ANXA5: variants seen among roughly 807,000 people sequenced by gnomAD.
The protein encoded by ANXA5 is CBP-I.
A neutral mutation model predicts 48.1 loss-of-function variants in ANXA5; 40 were observed. That is an observed-to-expected ratio of 0.83 (90% CI 0.65 to 1.08). ANXA5 has a LOEUF of 1.08. Among genes scored for constraint, ANXA5 ranks in the 50% least tolerant of loss-of-function variants. The probability of loss-of-function intolerance (pLI) is 0.00; values close to 1 mark genes in which losing one functional copy is unlikely to be tolerated. For synonymous variants in ANXA5, 113 were observed against 129.1 expected, an observed-to-expected ratio of 0.88 and a Z score of 0.85; for missense variants, 357 against 376.8, an observed-to-expected ratio of 0.95 and a Z score of 0.44.
intron 1 of ANXA5, 27 bp from the exon 2 acceptor site, chr4:121,696,651 T>C (rs911246286): frequency 9.8e-6 from 13 of 1,324,144 alleles, no homozygotes; most frequent in Non-Finnish European, 2.0e-6. Context: ...ACCTCGGGCT[T>C]AGCGCGCCAT....
rs1724913877 is a variant in ANXA5 at position 121,687,525 on chromosome 4, CAT to C, written c.10-1155_10-1154del. 1.3e-5 allele frequency among the ~76,000 whole-genome samples: 2 copies of C among 152,138 alleles called. 1 individual carries two copies. The highest frequency in any genetic ancestry group is 4.1e-4 in the South Asian group (2 of 4,824). On this transcript the variant is annotated intron_variant, in intron 2 of 12. Transcript: ENST00000296511. Reference sequence around the variant, plus strand: ...AAAGCTAGCCTCGTTTACAATCTTACATGTCTTATTATAAATGCACAAAAGCA... The same window carrying C: ...AAAGCTAGCCTCGTTTACAATCTTACGTCTTATTATAAATGCACAAAAGCA...
rs771767958 is a variant in ANXA5 at position 121,684,720 on chromosome 4, T to C, written c.146A>G (p.Gln49Arg). Residue 49 changes from glutamine (Q) to arginine (R), a missense_variant, in exon 4 of 13, where the codon CAG (glutamine) becomes CGG (arginine). Transcript: ENST00000296511. ...AAAAGCTGCAGAGATTTCCTGGCGC[T>C]GAGCATTACTTCGGGATGTCAACAG... ...LTLLTSRSNA[Q>R]RQEISAAFKT... The C allele has an allele frequency of 1.9e-6, 3 of 1,614,036 alleles. No individual in the cohort carries two copies. Among genetic ancestry groups the C allele is most frequent in the Non-Finnish European group, 2.5e-6 (3 of 1,179,922 alleles).
chr4:121,672,704 T>C, intron 8 of ANXA5, 78 bp from the exon 9 acceptor site: 1 of 1,004,948 alleles, frequency 1.0e-6, no homozygotes, highest in Non-Finnish European at 1.6e-6. Context: ...TGTTTTTTAC[T>C]CCCTGAATTT....
At chr4:121,690,569 C>T (rs1307733319) in intron 2 of ANXA5, among the ~76,000 whole-genome samples, 2 of 150,712 alleles carry the variant, frequency 1.3e-5, no homozygotes. Flanking sequence ...TTTAAAAACA[C>T]AGTTAAGAGA....
chr4:121,668,104 T>A lies in ANXA5; in HGVS notation c.*364A>T, dbSNP rs115205474. 424 of 167,766 alleles carry A rather than the reference T, an allele frequency of 2.5e-3. 5 individuals are homozygous for A. The highest frequency in any genetic ancestry group is 9.6e-3 in the African/African-American group (404 of 42,078). The allele number at this position is 167,766 out of a possible 1,614,324, so 10.4% of individuals were successfully genotyped here. On this transcript the variant is annotated 3_prime_UTR_variant, in exon 13 of 13. Coordinates refer to ENST00000296511, the MANE Select transcript of ANXA5 (RefSeq NM_001154.4). ...CTTCACTAATAACATTTCCAAGAGT[T>A]CACAATTTCAAGGCTAAGCTTCTGA...
chr4:121,694,086 C>CG (rs1443041676), intron 2 of ANXA5, among the ~76,000 whole-genome samples: 3 of 101,572 alleles, frequency 3.0e-5, no homozygotes, highest in Non-Finnish European at 5.8e-5. Context: ...ACACCCACAC[C>CG]GGGGCCTATT....
At chr4:121,695,296 G>A (rs775588908) in intron 2 of ANXA5, among the ~76,000 whole-genome samples, 14 of 152,186 alleles carry the variant, frequency 9.2e-5, no homozygotes, top group Non-Finnish European at 2.1e-4. Flanking sequence ...GTAAGAATGG[G>A]ATCACTGTGT....
intron 3 of ANXA5, among the ~76,000 whole-genome samples, chr4:121,685,951 A>T (rs538867093): frequency 3.9e-5 from 6 of 152,094 alleles, no homozygotes; most frequent in Non-Finnish European, 7.4e-5. Flanking sequence ...CCTGCAAGCC[A>T]CATGTGGCCC....
At chr4:121,686,433 A>T in intron 2 of ANXA5, 61 bp from the exon 3 acceptor site, 1 of 1,258,150 alleles carries the variant, frequency 7.9e-7, no homozygotes. Flanking sequence ...AGTAAATAAC[A>T]CAAACAGGAA....
rs1724556913 is a variant in ANXA5 at position 121,668,451 on chromosome 4, C to T, written c.*17G>A. ...GGTGGTGCAGGCACACAGCAGGGAGCTCTTCCCCGTGACACGTTAGTCATC... is the reference window on the plus strand; with the variant it reads ...GGTGGTGCAGGCACACAGCAGGGAGTTCTTCCCCGTGACACGTTAGTCATC... On this transcript the variant is annotated 3_prime_UTR_variant, in exon 13 of 13. Coordinates refer to ENST00000296511, the MANE Select transcript of ANXA5 (RefSeq NM_001154.4). 6.2e-7 allele frequency: 1 copy of T among 1,612,856 alleles called. No individual in the cohort carries two copies. The highest frequency in any genetic ancestry group is 8.5e-7 in the Non-Finnish European group (1 of 1,179,208).
intron 12 of ANXA5, 116 bp downstream of exon 12, chr4:121,669,486 G>A: frequency 2.4e-6 from 3 of 1,261,898 alleles, no homozygotes; most frequent in South Asian, 2.8e-5. Context: ...TGCTCTAATC[G>A]TGTCACTAAA....
rs577704686 is a variant in ANXA5 at position 121,684,392 on chromosome 4, G to A, written c.189+285C>T. Among the ~76,000 whole-genome samples, 60 of 152,280 alleles carry A rather than the reference G, an allele frequency of 3.9e-4. 1 individual carries two copies. Among genetic ancestry groups the A allele is most frequent in the African/African-American group, 1.3e-3 (56 of 41,564 alleles). ...TGGATAGTAAGACATCCATGTGAATGCTGAGTGGGAAACACAGAGGAAAAG... is the reference window on the plus strand; with the variant it reads ...TGGATAGTAAGACATCCATGTGAATACTGAGTGGGAAACACAGAGGAAAAG... On this transcript the variant is annotated intron_variant, in intron 4 of 12. Transcript: ENST00000296511.
intron 5 of ANXA5, among the ~76,000 whole-genome samples, chr4:121,682,083 A>G (rs1487814455): frequency 6.6e-6 from 1 of 152,180 alleles, no homozygotes; most frequent in East Asian, 1.9e-4. Flanking sequence ...TAAAAGTAAA[A>G]CATTTTCATG....
chr4:121,668,493 A>C lies in ANXA5; in HGVS notation c.938T>G (p.Leu313Arg), dbSNP rs1249727675. 1 of 1,613,546 alleles carries C rather than the reference A, an allele frequency of 6.2e-7. No individual in the cohort carries two copies. Among genetic ancestry groups the C allele is most frequent in the Non-Finnish European group, 8.5e-7 (1 of 1,179,592 alleles). Residue 313 changes from leucine (L) to arginine (R), a missense_variant, in exon 13 of 13, where the codon CTG becomes CGG. Leu to Arg is a moderately radical substitution (Grantham distance 102). Transcript: ENST00000296511. ...DTSGDYKKAL[L>R]LLCGEDD Reference sequence around the variant, plus strand: ...TTAGTCATCTTCTCCACAGAGCAGCAGAAGAGCTTTCTTATAGTCCCCAGA... The same window carrying C: ...TTAGTCATCTTCTCCACAGAGCAGCCGAAGAGCTTTCTTATAGTCCCCAGA...
rs553447793 is a variant in ANXA5 at position 121,681,877 on chromosome 4, C to A, written c.304-116G>T. Reference sequence around the variant, plus strand: ...GTTATATAAATATTATCCAGTATAACATGGATTTCTTTGTATATGAGTTCT... The same window carrying A: ...GTTATATAAATATTATCCAGTATAAAATGGATTTCTTTGTATATGAGTTCT... On this transcript the variant is annotated intron_variant, in intron 5 of 12. Coordinates refer to ENST00000296511, the MANE Select transcript of ANXA5 (RefSeq NM_001154.4). 9.2e-6 allele frequency: 6 copies of A among 651,802 alleles called. No homozygotes were observed. The South Asian group carries it at 1.3e-4, about 14-fold the overall frequency. 40.4% of individuals were successfully genotyped at this position (651,802 alleles called of 1,614,324 possible).
chr4:121,674,660 T>C (rs1724669559), intron 8 of ANXA5, among the ~76,000 whole-genome samples: 1 of 152,238 alleles, frequency 6.6e-6, no homozygotes, highest in South Asian at 2.1e-4. Flanking sequence ...ATGTTTGGGA[T>C]CAATATCTAC....
At chr4:121,696,728 G>C (rs1578452610) in intron 1 of ANXA5, 104 bp from the exon 2 acceptor site, 17 of 704,640 alleles carry the variant, frequency 2.4e-5, no homozygotes, top group Non-Finnish European at 2.0e-6. Context: ...AGCCCGGAGG[G>C]CCCCGCCACG....
intron 8 of ANXA5, among the ~76,000 whole-genome samples, chr4:121,674,533 G>A (rs1312805307): frequency 6.6e-6 from 1 of 152,116 alleles, no homozygotes; most frequent in Non-Finnish European, 1.5e-5. Flanking sequence ...CTTATCAACT[G>A]TTTTAAATGT....
At chr4:121,683,915 A>G (rs1467858373) in intron 4 of ANXA5, among the ~76,000 whole-genome samples, 1 of 152,156 alleles carries the variant, frequency 6.6e-6, no homozygotes, top group Non-Finnish European at 1.5e-5. Context: ...TCAAACACAT[A>G]ATAGATTATA....
Sources: allele counts gnomAD v4.1 joint callset (sites outside exome capture counted in the v4.1 genomes callset), GRCh38; gene constraint gnomAD v4.1.1; transcripts MANE v1.5; gene names NCBI Gene and HGNC (gene_info 2026-07-23, HGNC 2026-07-21).